The following ZBTB44 variants were observed in gnomAD, a reference collection of about 807,000 sequenced individuals.
ZBTB44 encodes zinc finger and BTB domain-containing protein 44.
ZBTB44 carries 15 observed loss-of-function variants against 54.0 expected under a neutral mutation model. The observed-to-expected ratio is 0.28, with a 90% CI of 0.19 to 0.43. The LOEUF (loss-of-function observed/expected upper bound fraction) is 0.43. ZBTB44 is among the 20% of genes least tolerant of loss of function. ZBTB44 has a pLI of 1.00. For synonymous variants in ZBTB44, 230 were observed against 250.1 expected, an observed-to-expected ratio of 0.92 and a Z score of 0.76; for missense variants, 487 against 707.1, an observed-to-expected ratio of 0.69 and a Z score of 3.53.
intron 2 of ZBTB44, among the ~76,000 whole-genome samples, chr11:130,251,705 C>T (rs1395059230): frequency 6.6e-6 from 1 of 152,156 alleles, no homozygotes; most frequent in Non-Finnish European, 1.5e-5. Context: ...AAATCCTTTA[C>T]AGACAAGCAA....
At chr11:130,283,090 G>A (rs1459202990) in intron 1 of ZBTB44, among the ~76,000 whole-genome samples, 2 of 125,460 alleles carry the variant, frequency 1.6e-5, no homozygotes, top group Admixed American at 1.1e-4. Flanking sequence ...CACCCAGACT[G>A]CTGGAGTGTA....
intron 1 of ZBTB44, among the ~76,000 whole-genome samples, chr11:130,265,636 C>G (rs1833249420): frequency 6.6e-6 from 1 of 152,220 alleles, no homozygotes; most frequent in Admixed American, 6.5e-5. Context: ...AAGTGCTACT[C>G]CAGTGCACAC....
intron 1 of ZBTB44, among the ~76,000 whole-genome samples, chr11:130,264,403 T>C (rs570310316): frequency 6.6e-6 from 1 of 152,128 alleles, no homozygotes; most frequent in South Asian, 2.1e-4. Flanking sequence ...TGCAGGCCTG[T>C]AGTAGGCCTG....
chr11:130,264,118 C>T lies in ZBTB44; in HGVS notation c.-56-2189G>A, dbSNP rs186431521. ...CATTAAACAAACCCTCTGTATCTTA[C>T]TATATTCAGTGGTATAAGAAATATA... On this transcript the variant is annotated intron_variant, in intron 1 of 7. Transcript: ENST00000357899. Among the ~76,000 whole-genome samples the T allele has an allele frequency of 2.8e-3, 431 of 152,284 alleles. 1 individual carries two copies. Among genetic ancestry groups the T allele is most frequent in the Non-Finnish European group, 4.4e-3 (298 of 68,026 alleles).
Position 130,302,140 on chromosome 11 carries a change from G to A in ZBTB44, c.-57+12235C>T, listed in dbSNP as rs116359624. Reference sequence around the variant, plus strand: ...ATGTGCCAAGTATTGTTCTAAGTACGCTTTACATATTATGTAACTTAATTT... The same window carrying A: ...ATGTGCCAAGTATTGTTCTAAGTACACTTTACATATTATGTAACTTAATTT... On this transcript the variant is annotated intron_variant, in intron 1 of 7. Transcript: ENST00000357899. Among the ~76,000 whole-genome samples, 1,154 of 151,870 alleles carry A rather than the reference G, an allele frequency of 7.6e-3. 22 individuals carry two copies. The highest frequency in any genetic ancestry group is 0.027 in the African/African-American group (1,105 of 41,380).
Position 130,276,263 on chromosome 11 carries a change from GGTTT to G in ZBTB44, c.-56-14338_-56-14335del, listed in dbSNP as rs531112892. Among the ~76,000 whole-genome samples the G allele has an allele frequency of 4.5e-3, 244 of 54,468 alleles. 4 individuals carry two copies. The South Asian group carries it at 0.1, about 23-fold the overall frequency. The allele number at this position is 54,468 out of a possible 152,430, so 35.7% of individuals were successfully genotyped here. The stretch of plus-strand genomic sequence containing the variant: ...AAAAAAAAAGAAAAAAGAAATCAGA[GGTTT>G]GTTTCATGGCTAGCATATGGTCTAT... On this transcript the variant is annotated intron_variant, in intron 1 of 7. Transcript: ENST00000357899.
intron 1 of ZBTB44, among the ~76,000 whole-genome samples, chr11:130,263,505 C>A (rs1033933002): frequency 6.6e-6 from 1 of 152,182 alleles, no homozygotes; most frequent in African/African-American, 2.4e-5. Context: ...GCTTTCAGAG[C>A]AAGTGAATTA....
At chr11:130,272,034 A>G (rs1349015288) in intron 1 of ZBTB44, among the ~76,000 whole-genome samples, 4 of 152,102 alleles carry the variant, frequency 2.6e-5, no homozygotes, top group African/African-American at 4.8e-5. Context: ...AGTCAAGACC[A>G]GCCTGGCCAA....
rs1456332023 is a variant in ZBTB44, at chr11:130,233,311, A to T, written c.*45T>A. ...TATGAAGCTGGGATTTACATACTTC[A>T]TTCTCCGTTCCTGGTCATTTCATCC... On this transcript the variant is annotated 3_prime_UTR_variant, in exon 7 of 8. Coordinates refer to ENST00000357899, the MANE Select transcript of ZBTB44 (RefSeq NM_001301098.2). 1 of 1,526,166 alleles carries T rather than the reference A, an allele frequency of 6.6e-7. No individual in the cohort carries two copies. The highest frequency in any genetic ancestry group is 8.8e-7 in the Non-Finnish European group (1 of 1,142,790). The allele number at this position is 1,526,166 out of a possible 1,614,324, so 94.5% of individuals were successfully genotyped here.
chr11:130,277,812 T>G (rs571965726), intron 1 of ZBTB44, among the ~76,000 whole-genome samples: 1 of 152,208 alleles, frequency 6.6e-6, no homozygotes, highest in East Asian at 1.9e-4. Context: ...AGCAACAAAT[T>G]TTCGTTTTTA....
intron 3 of ZBTB44, 81 bp from the exon 4 acceptor site, chr11:130,238,688 A>T: frequency 7.6e-7 from 1 of 1,312,900 alleles, no homozygotes; most frequent in Non-Finnish European, 9.9e-7. Flanking sequence ...ATTTTAAATG[A>T]AAAAAGATAA....
chr11:130,249,232 C>T (rs995708629), intron 2 of ZBTB44, among the ~76,000 whole-genome samples: 2 of 152,116 alleles, frequency 1.3e-5, no homozygotes, highest in Non-Finnish European at 2.9e-5. Flanking sequence ...TATTTGGGTT[C>T]CTACTTTCTT....
intron 2 of ZBTB44, among the ~76,000 whole-genome samples, chr11:130,260,333 CTCTT>C (rs1393960557): frequency 6.6e-6 from 1 of 152,192 alleles, no homozygotes; most frequent in Non-Finnish European, 1.5e-5. Context: ...CTTGGGTAAA[CTCTT>C]ACTTATTGCA....
At chr11:130,253,154 A>AAG (rs149224961) in intron 2 of ZBTB44, among the ~76,000 whole-genome samples, 4,894 of 152,278 alleles carry the variant, frequency 0.032, 210 homozygotes, top group African/African-American at 0.099. Context: ...AAATTGACAC[A>AAG]AGACAGGGAT....
At chr11:130,284,525 A>G (rs1246959523) in intron 1 of ZBTB44, among the ~76,000 whole-genome samples, 1 of 152,184 alleles carries the variant, frequency 6.6e-6, no homozygotes, top group African/African-American at 2.4e-5. Context: ...TGTCAGGGCT[A>G]GGGATGGAGC....
chr11:130,245,187 A>T (rs1954589359), intron 2 of ZBTB44, among the ~76,000 whole-genome samples: 1 of 152,148 alleles, frequency 6.6e-6, no homozygotes, highest in Non-Finnish European at 1.5e-5. Flanking sequence ...GTGTATGTGT[A>T]GCATTTCTGT....
intron 1 of ZBTB44, among the ~76,000 whole-genome samples, chr11:130,282,001 T>C (rs939758505): frequency 1.3e-5 from 2 of 152,156 alleles, no homozygotes; most frequent in Non-Finnish European, 2.9e-5. Context: ...CAGTGGGCTA[T>C]GATCATGCCA....
chr11:130,304,352 C>G (rs185835545), intron 1 of ZBTB44, among the ~76,000 whole-genome samples: 1 of 152,142 alleles, frequency 6.6e-6, no homozygotes, highest in South Asian at 2.1e-4. Flanking sequence ...CAGGAAACCA[C>G]AGGCGGAAAT....
At chr11:130,295,924 G>A (rs1941615940) in intron 1 of ZBTB44, 14 of 1,519,674 alleles carry the variant, frequency 9.2e-6, no homozygotes, top group Admixed American at 1.7e-5. Flanking sequence ...TAACGGATCT[G>A]CTGAAGCACA....
Sources: gnomAD v4.1 joint callset for allele counts (sites outside exome capture counted in the v4.1 genomes callset) on GRCh38, gnomAD v4.1.1 for gene constraint, MANE v1.5 for transcripts, NCBI Gene and HGNC (gene_info 2026-07-23, HGNC 2026-07-21) for gene names.